The following CD34 variants were observed in gnomAD, a reference collection of about 807,000 sequenced individuals.
CD34 encodes hematopoietic progenitor cell antigen CD34.
Under a neutral mutation model 40.1 loss-of-function variants are expected in CD34, and 34 were observed. The observed-to-expected ratio is 0.85, with a 90% CI of 0.65 to 1.13. The LOEUF is 1.13. CD34 is among the 50% of genes most tolerant of loss of function. The pLI, the probability that CD34 is intolerant of heterozygous loss-of-function variation, is 0.00. For missense variants in CD34, 426 were observed against 466.9 expected (o/e 0.91, Z 0.81); for synonymous variants, 209 against 190.0 (o/e 1.10, Z -0.82).
intron 1 of CD34, among the ~76,000 whole-genome samples, chr1:207,910,012 G>C (rs1662471473): frequency 6.6e-6 from 1 of 152,256 alleles, no homozygotes; most frequent in Non-Finnish European, 1.5e-5. Context: ...AAGCAAAAGG[G>C]AGAGCAATGT....
At chr1:207,889,717 C>T (rs745412602) in intron 4 of CD34, 96 bp from the exon 5 acceptor site, 96 of 1,602,544 alleles carry the variant, frequency 6.0e-5, no homozygotes, top group Admixed American at 1.8e-4. Flanking sequence ...ACTCTTACCC[C>T]GTCCGCAAGA....
intron 2 of CD34, among the ~76,000 whole-genome samples, chr1:207,899,526 A>G (rs538064885): frequency 6.6e-6 from 1 of 152,288 alleles, no homozygotes; most frequent in South Asian, 2.1e-4. Context: ...GGAGATCTCT[A>G]TTGAGTCTTC....
Position 207,897,546 on chromosome 1 carries a change from C to A in CD34, c.544G>T (p.Glu182Ter). 1 of 1,557,506 alleles carries A rather than the reference C, an allele frequency of 6.4e-7. No homozygotes were observed. Among genetic ancestry groups the A allele is most frequent in the East Asian group, 2.4e-5 (1 of 41,758 alleles). The part of the protein sequence containing the change: ...KAEIKCSGIR[E>*]VKLTQGICLE... Reference sequence around the variant, plus strand: ...CAGATGCCCTGAGTCAATTTCACTTCTCTGATGCCTGAACATTTGATTTCT... The same window carrying A: ...CAGATGCCCTGAGTCAATTTCACTTATCTGATGCCTGAACATTTGATTTCT... The change falls in exon 4 of 8, where the codon GAA (glutamate) becomes TAA (stop). Residue 182 changes from glutamate to a stop codon, truncating the protein, a stop_gained. Coordinates refer to ENST00000310833, the MANE Select transcript of CD34 (RefSeq NM_001025109.2). LOFTEE classifies it high-confidence loss of function.
intron 1 of CD34, among the ~76,000 whole-genome samples, chr1:207,902,555 T>C (rs890742331): frequency 5.9e-5 from 9 of 152,186 alleles, no homozygotes; most frequent in Admixed American, 4.6e-4. Flanking sequence ...GATCACCTTC[T>C]CAAGACACCA....
intron 1 of CD34, 138 bp from the exon 2 acceptor site, chr1:207,900,141 C>T (rs982076904): frequency 1.6e-6 from 1 of 634,832 alleles, no homozygotes; most frequent in Admixed American, 3.4e-5. Context: ...CAAGAACATA[C>T]TCCTGGACAG....
Position 207,887,535 on chromosome 1 carries a change from C to T in CD34, c.*203G>A, listed in dbSNP as rs138166871. ...TTACCCAAAGAAGACCAGAGTCTGG[C>T]TCCAGGGAGCCGAATGTGTAAAGGA... On this transcript the variant is annotated 3_prime_UTR_variant, in exon 8 of 8. Coordinates refer to ENST00000310833, the MANE Select transcript of CD34 (RefSeq NM_001025109.2). The T allele has an allele frequency of 1.5e-6, 1 of 673,522 alleles. No individual in the cohort carries two copies. The highest frequency in any genetic ancestry group is 1.8e-5 in the African/African-American group (1 of 55,296). The allele number at this position is 673,522 out of a possible 1,614,324, so 41.7% of individuals were successfully genotyped here.
intron 1 of CD34, among the ~76,000 whole-genome samples, chr1:207,902,679 TG>T (rs1662296757): frequency 2.0e-5 from 3 of 152,248 alleles, no homozygotes; most frequent in Admixed American, 6.5e-5. Flanking sequence ...CAGAGGAAGC[TG>T]GGCCTGACTG....
At chr1:207,904,028 T>C (rs1558122903) in intron 1 of CD34, among the ~76,000 whole-genome samples, 1 of 152,198 alleles carries the variant, frequency 6.6e-6, no homozygotes, top group South Asian at 2.1e-4. Context: ...ACATGTGCAA[T>C]ACATTTTGAA....
At chr1:207,905,601 ACTTT>A (rs573364360) in intron 1 of CD34, among the ~76,000 whole-genome samples, 126 of 152,280 alleles carry the variant, frequency 8.3e-4, no homozygotes, top group Non-Finnish European at 1.4e-3. Flanking sequence ...AAAATAAATA[ACTTT>A]CTTTAAGATG....
intron 1 of CD34, among the ~76,000 whole-genome samples, chr1:207,902,808 C>T (rs1486176446): frequency 6.6e-6 from 1 of 152,168 alleles, no homozygotes; most frequent in Non-Finnish European, 1.5e-5. Flanking sequence ...GACAGAGGTG[C>T]CTGTTCCAGA....
rs545215954 is a variant in CD34 at position 207,894,811 on chromosome 1, G to A, written c.597+2682C>T. 3.0e-4 allele frequency among the ~76,000 whole-genome samples: 45 copies of A among 151,082 alleles called. 1 individual carries two copies. The highest frequency in any genetic ancestry group is 1.1e-3 in the African/African-American group (44 of 41,194). On this transcript the variant is annotated intron_variant, in intron 4 of 7. Coordinates refer to ENST00000310833, the MANE Select transcript of CD34 (RefSeq NM_001025109.2). ...TGGCTGCCTAGAGATGATGGCTGGG[G>A]AGCAAAAAAAAAAGAGTGATTGGGA...
chr1:207,889,211 T>C lies in CD34; in HGVS notation c.757A>G (p.Ile253Val). ...LLLVLANRTE[I>V]SSKLQLMKKH... ...TTCATAAGTTGGAGTTTGCTGGAAA[T>C]TTCTAGAATTAGAAACAAGGGTTGC... Residue 253 changes from isoleucine (I) to valine (V), a missense_variant and splice_region_variant, in exon 6 of 8, where the codon ATT (isoleucine) becomes GTT (valine). Physicochemically the swap from Ile to Val is conservative, Grantham distance 29. Coordinates refer to ENST00000310833, the MANE Select transcript of CD34 (RefSeq NM_001025109.2). The C allele has an allele frequency of 6.2e-7, 1 of 1,613,794 alleles. No individual in the cohort carries two copies. The highest frequency in any genetic ancestry group is 8.5e-7 in the Non-Finnish European group (1 of 1,179,688).
In CD34 at chr1:207,885,058, T is replaced by C. The variant is rs1334383976; in HGVS notation, c.*2680A>G. The stretch of plus-strand genomic sequence containing the variant: ...CCTCCCTTCTCTGAGCCTTAGTTTG[T>C]CTTTAACTATACCATAAGGGAGTTT... On this transcript the variant is annotated 3_prime_UTR_variant, in exon 8 of 8. Transcript: ENST00000310833. The C allele has an allele frequency of 6.6e-6, 1 of 152,248 alleles. No individual in the cohort carries two copies. 9.4% of individuals were successfully genotyped at this position (152,248 alleles called of 1,614,324 possible). A position where few individuals can be genotyped will look rare whatever the true frequency, so the allele number is the denominator to read the frequency against.
In CD34 at chr1:207,899,110, C is replaced by T. The variant is rs146237257; in HGVS notation, c.379G>A (p.Val127Ile). The change falls in exon 3 of 8, where the codon GTT becomes ATT. Residue 127 changes from valine (V) to isoleucine (I), a missense_variant. Val to Ile is a conservative substitution (Grantham distance 29, BLOSUM62 3). Transcript: ENST00000310833. ...ISTVFTTPAN[V>I]STPETTLKPS... ...TTCAAGGTTGTCTCTGGAGTTGAAA[C>T]GTTGGCTGGGGTGGTGAACACTGTG... 1.8e-3 allele frequency: 2,940 copies of T among 1,614,158 alleles called. 5 individuals are homozygous for T. Among genetic ancestry groups the T allele is most frequent in the Non-Finnish European group, 2.3e-3 (2,757 of 1,180,028 alleles).
At chr1:207,902,333 CA>C (rs1215819645) in intron 1 of CD34, among the ~76,000 whole-genome samples, 1 of 152,122 alleles carries the variant, frequency 6.6e-6, no homozygotes, top group Non-Finnish European at 1.5e-5. Flanking sequence ...TCTAAACTGC[CA>C]AAAAATCGGA....
chr1:207,901,840 C>A (rs183207180), intron 1 of CD34, among the ~76,000 whole-genome samples: 2 of 152,260 alleles, frequency 1.3e-5, no homozygotes, highest in Admixed American at 1.3e-4. Context: ...GCAGTTGCAT[C>A]TTCAAGGAAG....
rs746334930 is a variant in CD34 at position 207,900,094 on chromosome 1, G to T, written c.80-91C>A. The T allele has an allele frequency of 1.1e-5, 11 of 969,510 alleles. No individual in the cohort carries two copies. In the South Asian group the frequency reaches 1.7e-4, roughly 15 times the overall value. The allele number at this position is 969,510 out of a possible 1,614,324, so 60.1% of individuals were successfully genotyped here. On this transcript the variant is annotated intron_variant, in intron 1 of 7. Transcript: ENST00000310833. ...AATTTCCTGACTTCAGGTAGAATTC[G>T]TCTAGAACATTCCCTGCTGCCCCTT...
intron 7 of CD34, 99 bp from the exon 8 acceptor site, chr1:207,888,022 AG>A: frequency 1.2e-6 from 1 of 811,726 alleles, no homozygotes; most frequent in Non-Finnish European, 1.8e-6. Context: ...CAGGGGTGGG[AG>A]AAGGGGGAGG....
Position 207,887,853 on chromosome 1 carries a change from T to TC in CD34, c.1042dup (p.Glu348GlyfsTer35). ...GTTCACACTGGCCTTTCCCTGAGCC[T>TC]CAGGGGAGGTCCCAGGTCCTGAGCT... On this transcript the variant is annotated frameshift_variant, in exon 8 of 8. Coordinates refer to ENST00000310833, the MANE Select transcript of CD34 (RefSeq NM_001025109.2). LOFTEE classifies it high-confidence loss of function. 6.2e-7 allele frequency: 1 copy of TC among 1,614,192 alleles called. No individual in the cohort carries two copies. The highest frequency in any genetic ancestry group is 8.5e-7 in the Non-Finnish European group (1 of 1,180,014).
Sources: gnomAD v4.1 joint callset for allele counts (sites outside exome capture counted in the v4.1 genomes callset) on GRCh38, gnomAD v4.1.1 for gene constraint, MANE v1.5 for transcripts, NCBI Gene and HGNC (gene_info 2026-07-23, HGNC 2026-07-21) for gene names.